The following SEPTIN7 variants were observed in gnomAD, a reference collection of about 807,000 sequenced individuals.
SEPTIN7 encodes the protein septin 7, also known as septin-7.
Under a neutral mutation model 63.3 loss-of-function variants are expected in SEPTIN7, and 10 were observed. The ratio of observed to expected loss-of-function variants is 0.16; its 90% confidence interval spans 0.10 to 0.27. The LOEUF (loss-of-function observed/expected upper bound fraction) is 0.27, where lower values mean the gene tolerates loss of function less well. Ranked by LOEUF, SEPTIN7 falls within the 10% of genes least tolerant of loss-of-function variation. The pLI is 1.00. For missense variants in SEPTIN7, 310 were observed against 521.0 expected, an observed-to-expected ratio of 0.59 and a Z score of 3.94; for synonymous variants, 131 against 165.3, an observed-to-expected ratio of 0.79 and a Z score of 1.59.
intron 6 of SEPTIN7, 55 bp downstream of exon 6, chr7:35,873,830 T>G (rs1786309332): frequency 4.7e-6 from 7 of 1,503,806 alleles, no homozygotes; most frequent in African/African-American, 1.4e-5. Context: ...TACTGTTACC[T>G]TTATGTGCAT....
chr7:35,812,312 C>T (rs764887545), intron 1 of SEPTIN7, among the ~76,000 whole-genome samples: 5 of 151,296 alleles, frequency 3.3e-5, no homozygotes, highest in Non-Finnish European at 7.4e-5. Flanking sequence ...GCCCCACGTC[C>T]CTTCCCCACC....
chr7:35,817,189 T>G (rs1310894317), intron 1 of SEPTIN7, among the ~76,000 whole-genome samples: 1 of 151,722 alleles, frequency 6.6e-6, no homozygotes, highest in Non-Finnish European at 1.5e-5. Flanking sequence ...GTTTTAGACC[T>G]TTATGTTTAG....
intron 1 of SEPTIN7, among the ~76,000 whole-genome samples, chr7:35,813,691 C>T (rs1441158654): frequency 6.6e-6 from 1 of 152,074 alleles, no homozygotes; most frequent in Non-Finnish European, 1.5e-5. Context: ...AGTATTCTTG[C>T]TTCTGGTTAT....
At chr7:35,903,314 A>C in intron 13 of SEPTIN7, 99 bp downstream of exon 13, 1 of 1,414,506 alleles carries the variant, frequency 7.1e-7, no homozygotes. Flanking sequence ...TTAAAAAGTC[A>C]TCACCCATTA....
rs766191811 is a variant in SEPTIN7 at position 35,844,421 on chromosome 7, CATGAAAATAAGCCTTCTGTAT to C, written c.169+11522_169+11542del. Among the ~76,000 whole-genome samples, 686 of 152,212 alleles carry C rather than the reference CATGAAAATAAGCCTTCTGTAT, an allele frequency of 4.5e-3. 6 individuals are homozygous for C. Among genetic ancestry groups the C allele is most frequent in the Non-Finnish European group, 5.3e-3 (363 of 68,004 alleles). On this transcript the variant is annotated intron_variant, in intron 3 of 13. Coordinates refer to ENST00000350320, the MANE Select transcript of SEPTIN7 (RefSeq NM_001788.6). ...TTTTTGACTTATGTTTTTGTCACACCATGAAAATAAGCCTTCTGTATTTAACTTTATATCTACTTTGTAAAA... is the reference window on the plus strand; with the variant it reads ...TTTTTGACTTATGTTTTTGTCACACCTTAACTTTATATCTACTTTGTAAAA...
At chr7:35,871,308 T>A in intron 4 of SEPTIN7, among the ~76,000 whole-genome samples, 1 of 152,342 alleles carries the variant, frequency 6.6e-6, no homozygotes, top group Middle Eastern at 3.4e-3. Flanking sequence ...ATAATAAAAT[T>A]TTTTTAACAG....
At chr7:35,830,871 A>G (rs1188864144) in intron 1 of SEPTIN7, among the ~76,000 whole-genome samples, 1 of 152,092 alleles carries the variant, frequency 6.6e-6, no homozygotes, top group African/African-American at 2.4e-5. Flanking sequence ...TATCATCTTT[A>G]GCTTCCTTCC....
chr7:35,830,959 GTAT>G (rs148735779), intron 1 of SEPTIN7, among the ~76,000 whole-genome samples: 1 of 152,092 alleles, frequency 6.6e-6, no homozygotes, highest in African/African-American at 2.4e-5. Context: ...ATACAGCATT[GTAT>G]AAAAAGGTTT....
In SEPTIN7 at chr7:35,904,758, C is replaced by A. The variant is rs1039707334; in HGVS notation, c.*465C>A. ...TACAATAATGTAATTTAGTCTAACA[C>A]AGTTGACCCTATTTTTTGACACTTC... On this transcript the variant is annotated 3_prime_UTR_variant, in exon 14 of 14. Coordinates refer to ENST00000350320, the MANE Select transcript of SEPTIN7 (RefSeq NM_001788.6). The A allele has an allele frequency of 6.6e-6, 1 of 152,158 alleles. No individual in the cohort carries two copies. The highest frequency in any genetic ancestry group is 1.5e-5 in the Non-Finnish European group (1 of 68,048). 9.4% of individuals were successfully genotyped at this position (152,158 alleles called of 1,614,324 possible).
intron 1 of SEPTIN7, among the ~76,000 whole-genome samples, chr7:35,818,584 C>T (rs949272695): frequency 2.0e-5 from 3 of 151,834 alleles, no homozygotes; most frequent in African/African-American, 7.2e-5. Context: ...TGGGTATGGG[C>T]TTTGTGTAAA....
chr7:35,898,387 A>G lies in SEPTIN7; in HGVS notation c.1134+4A>G. On this transcript the variant is annotated splice_donor_region_variant and intron_variant, in intron 12 of 13. Transcript: ENST00000350320. ...ACTGAAGGACTCTGAAGCTGAGGTA[A>G]TCAGTCTAATATCCCATCTCTTAGC... The G allele has an allele frequency of 6.5e-7, 1 of 1,536,560 alleles. No homozygotes were observed. Among genetic ancestry groups the G allele is most frequent in the South Asian group, 1.2e-5 (1 of 83,134 alleles).
At chr7:35,843,738 A>G (rs1231660438) in intron 3 of SEPTIN7, among the ~76,000 whole-genome samples, 1 of 152,206 alleles carries the variant, frequency 6.6e-6, no homozygotes, top group Non-Finnish European at 1.5e-5. Context: ...ATTTACATAT[A>G]TTTTGATAAA....
intron 2 of SEPTIN7, chr7:35,831,899 G>C (rs1267719931): frequency 3.4e-6 from 1 of 294,534 alleles, no homozygotes; most frequent in Admixed American, 5.0e-5. Context: ...AAATGTGGCA[G>C]AAACTTTTAA....
chr7:35,802,983 TGATG>T (rs1788096586), intron 1 of SEPTIN7, among the ~76,000 whole-genome samples: 1 of 152,228 alleles, frequency 6.6e-6, no homozygotes, highest in Non-Finnish European at 1.5e-5. Flanking sequence ...TGGGACAACA[TGATG>T]GAACCAGGTC....
intron 6 of SEPTIN7, among the ~76,000 whole-genome samples, chr7:35,876,893 C>T (rs576215178): frequency 1.1e-4 from 16 of 152,058 alleles, no homozygotes; most frequent in East Asian, 7.7e-4. Context: ...TGCTTGAACC[C>T]GGGAGGCGGA....
intron 1 of SEPTIN7, among the ~76,000 whole-genome samples, chr7:35,805,289 A>T (rs566478721): frequency 6.6e-6 from 1 of 152,344 alleles, no homozygotes; most frequent in Admixed American, 6.5e-5. Flanking sequence ...TAGTAATCTT[A>T]TGGGACTACT....
intron 1 of SEPTIN7, among the ~76,000 whole-genome samples, chr7:35,805,397 C>T (rs1788266562): frequency 6.6e-6 from 1 of 152,082 alleles, no homozygotes; most frequent in South Asian, 2.1e-4. Flanking sequence ...AAACTATAAG[C>T]CCCAATTTTT....
intron 3 of SEPTIN7, among the ~76,000 whole-genome samples, chr7:35,837,276 A>G (rs1267849998): frequency 6.6e-6 from 1 of 152,154 alleles, no homozygotes; most frequent in Admixed American, 6.5e-5. Context: ...TGTATCTGTA[A>G]TGTTCTATGA....
chr7:35,890,752 T>C lies in SEPTIN7; in HGVS notation c.957T>C (p.Tyr319=), dbSNP rs530929455. 6.5e-5 allele frequency: 103 copies of C among 1,596,156 alleles called. No homozygotes were observed. The East Asian group carries it at 2.0e-3, about 32-fold the overall frequency. ...GCAGAAAACTTGCAGCTGTGACTTA[T>C]AATGGAGTTGATAACAACAAGAATA... ...YRSRKLAAVT[Y]NGVDNNKNKG... The change falls in exon 11 of 14, where the codon TAT becomes TAC. Residue 319 remains tyrosine, a synonymous_variant. Transcript: ENST00000350320.
Sources: gnomAD v4.1 joint callset for allele counts (sites outside exome capture counted in the v4.1 genomes callset) on GRCh38, gnomAD v4.1.1 for gene constraint, MANE v1.5 for transcripts, NCBI Gene and HGNC (gene_info 2026-07-23, HGNC 2026-07-21) for gene names.